The following PRDM16 variants were observed in gnomAD, a reference collection of about 807,000 sequenced individuals.
PRDM16 encodes histone-lysine N-methyltransferase PRDM16.
A neutral mutation model predicts 110.6 loss-of-function variants in PRDM16; 23 were observed. The observed-to-expected ratio is 0.21, with a 90% CI of 0.15 to 0.29. PRDM16 has a LOEUF of 0.29. Among genes scored for constraint, PRDM16 ranks in the 10% least tolerant of loss-of-function variants. PRDM16 has a pLI of 1.00. For missense variants in PRDM16, 1,615 were observed against 1,794.3 expected (o/e 0.90, Z 1.81); for synonymous variants, 799 against 781.8 (o/e 1.02, Z -0.37).
Position 3,426,959 on chromosome 1 carries a change from C to T in PRDM16, c.3284+734C>T, listed in dbSNP as rs142025451. ...TGCACACACGTGTACATAACATGTG[C>T]GTGCATAAACATGCCTGCCTAGATC... On this transcript the variant is annotated intron_variant, in intron 14 of 16. Transcript: ENST00000270722. Among the ~76,000 whole-genome samples, 535 of 104,550 alleles carry T rather than the reference C, an allele frequency of 5.1e-3. 2 individuals are homozygous for T. The highest frequency in any genetic ancestry group is 8.7e-3 in the Non-Finnish European group (415 of 47,780). The allele number at this position is 104,550 out of a possible 152,430, so 68.6% of individuals were successfully genotyped here.
chr1:3,326,935 C>G (rs1641926142), intron 3 of PRDM16, among the ~76,000 whole-genome samples: 1 of 152,218 alleles, frequency 6.6e-6, no homozygotes, highest in African/African-American at 2.4e-5. Context: ...CAGGAATCAG[C>G]TTTCAGGCCC....
chr1:3,403,541 C>G (rs1352601888), intron 6 of PRDM16, among the ~76,000 whole-genome samples: 2 of 152,240 alleles, frequency 1.3e-5, no homozygotes, highest in African/African-American at 4.8e-5. Context: ...GCCCTGCTCC[C>G]CACCAGGTGG....
intron 6 of PRDM16, 89 bp downstream of exon 6, chr1:3,403,087 T>G (rs936716074): frequency 2.4e-5 from 26 of 1,071,368 alleles, no homozygotes; most frequent in Non-Finnish European, 2.8e-5. Flanking sequence ...TGAGTCTTCC[T>G]CCCCTCCCTT....
intron 1 of PRDM16, chr1:3,128,122 G>A (rs1361543643): frequency 6.5e-6 from 1 of 154,694 alleles, no homozygotes; most frequent in African/African-American, 2.4e-5. Flanking sequence ...TCTCACTGGA[G>A]AGAGACAGTC....
intron 3 of PRDM16, among the ~76,000 whole-genome samples, chr1:3,311,284 A>G (rs1329792515): frequency 6.6e-6 from 1 of 151,650 alleles, no homozygotes; most frequent in Non-Finnish European, 1.5e-5. Context: ...GCCTCGGCTC[A>G]CTCTTTTGCC....
intron 2 of PRDM16, among the ~76,000 whole-genome samples, chr1:3,222,802 C>G (rs1055538300): frequency 1.3e-5 from 2 of 152,252 alleles, no homozygotes; most frequent in African/African-American, 4.8e-5. Flanking sequence ...TTCCCCACAT[C>G]CATCTGTGAT....
Position 3,183,290 on chromosome 1 carries a change from C to T in PRDM16, c.38-2835C>T, listed in dbSNP as rs1644231683. ...CCTCTCGGGGGCATCCTGGCCGGAG[C>T]TCAGGGTGGAGAAGGGCTGACTCTG... On this transcript the variant is annotated intron_variant, in intron 1 of 16. Coordinates refer to ENST00000270722, the MANE Select transcript of PRDM16 (RefSeq NM_022114.4). Among the ~76,000 whole-genome samples, 4 of 152,224 alleles carry T rather than the reference C, an allele frequency of 2.6e-5. No homozygotes were observed. In the South Asian group the frequency reaches 8.3e-4, roughly 31 times the overall value.
intron 1 of PRDM16, among the ~76,000 whole-genome samples, chr1:3,156,791 A>G (rs1176484322): frequency 6.6e-6 from 1 of 152,104 alleles, no homozygotes; most frequent in East Asian, 1.9e-4. Context: ...CAGGGCCCAC[A>G]TGGGCTTTTG....
intron 3 of PRDM16, among the ~76,000 whole-genome samples, chr1:3,314,843 T>A (rs577596764): frequency 5.3e-5 from 8 of 152,216 alleles, no homozygotes; most frequent in African/African-American, 1.9e-4. Flanking sequence ...AACGGGGAGT[T>A]TATTTCAGCC....
At chr1:3,162,180 T>C (rs1378713982) in intron 1 of PRDM16, among the ~76,000 whole-genome samples, 1 of 152,176 alleles carries the variant, frequency 6.6e-6, no homozygotes, top group Admixed American at 6.5e-5. Flanking sequence ...CCCGGGCCAC[T>C]GCGGAACCAT....
chr1:3,175,704 A>G lies in PRDM16; in HGVS notation c.38-10421A>G, dbSNP rs1163787551. 1.3e-5 allele frequency among the ~76,000 whole-genome samples: 2 copies of G among 152,218 alleles called. No individual in the cohort carries two copies. The highest frequency in any genetic ancestry group is 2.4e-5 in the African/African-American group (1 of 41,450). On this transcript the variant is annotated intron_variant, in intron 1 of 16. Coordinates refer to ENST00000270722, the MANE Select transcript of PRDM16 (RefSeq NM_022114.4). The surrounding 1 kb of genome is among the most constrained non-coding windows in gnomAD (Gnocchi z 4.8). Reference sequence around the variant, plus strand: ...ACCTGCCCACCCGCCACATGGGTGCAGGGAGGGTGACAGCCGGTCAGCCCT... The same window carrying G: ...ACCTGCCCACCCGCCACATGGGTGCGGGGAGGGTGACAGCCGGTCAGCCCT...
In PRDM16 at chr1:3,432,266, G is replaced by A. The variant is rs2493273; in HGVS notation, c.3696+126G>A. 7.5e-3 allele frequency: 5,583 copies of A among 748,176 alleles called. 224 individuals are homozygous for A. The African/African-American group carries it at 0.088, about 12-fold the overall frequency. The allele number at this position is 748,176 out of a possible 1,614,324, so 46.3% of individuals were successfully genotyped here. ...GCTCTGGTCACGCAAACGCCCCCAC[G>A]CTGCATCCTCCAGAGAGGCCCCAGC... is the stretch of plus-strand genomic sequence containing the variant. On this transcript the variant is annotated intron_variant, in intron 16 of 16. Transcript: ENST00000270722.
chr1:3,318,800 G>A (rs1051171123), intron 3 of PRDM16, among the ~76,000 whole-genome samples: 1 of 152,156 alleles, frequency 6.6e-6, no homozygotes, highest in African/African-American at 2.4e-5. Context: ...CCAAAAAGGA[G>A]GGCTTTTCCC....
intron 14 of PRDM16, 93 bp from the exon 15 acceptor site, chr1:3,430,779 C>T: frequency 7.0e-7 from 1 of 1,428,142 alleles, no homozygotes; most frequent in East Asian, 2.3e-5. Context: ...TCGGGGGAGG[C>T]AGTGGGGGCA....
chr1:3,436,267 G>A lies in PRDM16; in HGVS notation c.*2456G>A, dbSNP rs1044103013. Reference sequence around the variant, plus strand: ...CATTCGGACGGATGGAGCCCTCAGCGTGTCTTTTCAGCAGGAGCAGAACCG... The same window carrying A: ...CATTCGGACGGATGGAGCCCTCAGCATGTCTTTTCAGCAGGAGCAGAACCG... On this transcript the variant is annotated 3_prime_UTR_variant, in exon 17 of 17. Transcript: ENST00000270722. 1.7e-5 allele frequency: 4 copies of A among 229,696 alleles called. No homozygotes were observed. Among genetic ancestry groups the A allele is most frequent in the Middle Eastern group, 1.3e-3 (1 of 778 alleles). The allele number at this position is 229,696 out of a possible 1,614,324, so 14.2% of individuals were successfully genotyped here.
intron 1 of PRDM16, among the ~76,000 whole-genome samples, chr1:3,108,122 G>A (rs888291117): frequency 6.6e-6 from 1 of 152,264 alleles, no homozygotes; most frequent in Non-Finnish European, 1.5e-5. Context: ...GCAGCACACA[G>A]AGTGTGAAAT....
At position 3,425,437 on chromosome 1, in the gene PRDM16, T is replaced by C. The variant is rs1178629290; in HGVS notation, c.2940-144T>C. 11 of 833,272 alleles carry C rather than the reference T, an allele frequency of 1.3e-5. No homozygotes were observed. In the East Asian group the frequency reaches 3.0e-4, roughly 23 times the overall value. The allele number at this position is 833,272 out of a possible 1,614,324, so 51.6% of individuals were successfully genotyped here. A position where few individuals can be genotyped will look rare whatever the true frequency, so the allele number is the denominator to read the frequency against. On this transcript the variant is annotated intron_variant, in intron 12 of 16. Coordinates refer to ENST00000270722, the MANE Select transcript of PRDM16 (RefSeq NM_022114.4). This position sits in a 1 kb window ranked among gnomAD's most constrained non-coding sequence, Gnocchi z 6.9. ...TGCCTTTGGCTCTGCAGCTGGGAGA[T>C]CCAGCAACCTCCGGGACACGGCGGG... is the stretch of plus-strand genomic sequence containing the variant.
intron 3 of PRDM16, among the ~76,000 whole-genome samples, chr1:3,284,577 G>T (rs112083617): frequency 1.1e-3 from 167 of 152,320 alleles, no homozygotes; most frequent in African/African-American, 3.9e-3. Context: ...CCAGAGTTCA[G>T]CCCTGCAGGG....
In PRDM16 at chr1:3,089,127, C is replaced by T. The variant is rs192217194; in HGVS notation, c.37+19831C>T. On this transcript the variant is annotated intron_variant, in intron 1 of 16. Coordinates refer to ENST00000270722, the MANE Select transcript of PRDM16 (RefSeq NM_022114.4). ...AGCTGCCTGGTACCTGGCCCCTTGT[C>T]GCCCCACCTGTCCTCAGCGGTGAGG... Among the ~76,000 whole-genome samples, 4 of 152,330 alleles carry T rather than the reference C, an allele frequency of 2.6e-5. No homozygotes were observed. The East Asian group carries it at 5.8e-4, about 22-fold the overall frequency.
Sources: gnomAD v4.1 joint callset for allele counts (sites outside exome capture counted in the v4.1 genomes callset) on GRCh38, gnomAD v4.1.1 for gene constraint, Gnocchi (gnomAD v3.1) non-coding constraint, MANE v1.5 for transcripts, NCBI Gene and HGNC (gene_info 2026-07-23, HGNC 2026-07-21) for gene names.